The following IQCM variants were observed in gnomAD, a reference collection of about 807,000 sequenced individuals.
IQCM encodes IQ motif containing M.
A neutral mutation model predicts 57.6 loss-of-function variants in IQCM; 45 were observed. The observed-to-expected ratio is 0.78, with a 90% CI of 0.62 to 1.00. IQCM has a LOEUF of 1.00. IQCM is among the 50% of genes least tolerant of loss of function. IQCM has a pLI of 0.00. For missense variants in IQCM, 468 were observed against 511.6 expected (o/e 0.91, Z 0.82); for synonymous variants, 148 against 158.9 (o/e 0.93, Z 0.51).
At chr4:149,710,357 T>C (rs2149830296) in intron 5 of IQCM, among the ~76,000 whole-genome samples, 1 of 152,272 alleles carries the variant, frequency 6.6e-6, no homozygotes, top group East Asian at 1.9e-4. Context: ...ATAGTGTCTA[T>C]TCACTTCTAA....
intron 12 of IQCM, among the ~76,000 whole-genome samples, chr4:149,454,852 G>T (rs1047550545): frequency 6.6e-6 from 1 of 151,986 alleles, no homozygotes; most frequent in African/African-American, 2.4e-5. Context: ...AGGGATGGGG[G>T]TAAATAGTAG....
chr4:149,481,705 T>TTTTTTTTTG (rs1393102224), intron 12 of IQCM, among the ~76,000 whole-genome samples: 2 of 133,126 alleles, frequency 1.5e-5, no homozygotes, highest in African/African-American at 5.7e-5. Flanking sequence ...AGTTTTGTTT[T>TTTTTTTTTG]TTTTTTTTTT....
At chr4:149,385,849 C>T (rs971214863) in intron 13 of IQCM, among the ~76,000 whole-genome samples, 1 of 152,096 alleles carries the variant, frequency 6.6e-6, no homozygotes, top group African/African-American at 2.4e-5. Context: ...TTTACTATTA[C>T]ATTACTTCAG....
intron 2 of IQCM, among the ~76,000 whole-genome samples, chr4:149,749,174 C>T (rs985527727): frequency 2.0e-5 from 3 of 152,096 alleles, no homozygotes; most frequent in Admixed American, 6.6e-5. Flanking sequence ...AAATTGAATC[C>T]GTACCTAACC....
At chr4:149,630,846 T>G (rs1160551001) in intron 7 of IQCM, among the ~76,000 whole-genome samples, 1 of 152,228 alleles carries the variant, frequency 6.6e-6, no homozygotes, top group Non-Finnish European at 1.5e-5. Context: ...ATAATAATTA[T>G]GCAGAAAACA....
At chr4:149,476,928 T>C (rs1049787863) in intron 12 of IQCM, among the ~76,000 whole-genome samples, 2 of 152,116 alleles carry the variant, frequency 1.3e-5, no homozygotes, top group African/African-American at 4.8e-5. Flanking sequence ...AATTTTACAA[T>C]TTATATTAAA....
chr4:149,589,958 G>A (rs1374173755), intron 8 of IQCM, among the ~76,000 whole-genome samples: 1 of 151,840 alleles, frequency 6.6e-6, no homozygotes, highest in African/African-American at 2.4e-5. Flanking sequence ...CACTTGGATT[G>A]GGACACACTG....
chr4:149,699,265 C>T (rs1415279975), intron 5 of IQCM, among the ~76,000 whole-genome samples: 2 of 151,946 alleles, frequency 1.3e-5, no homozygotes, highest in African/African-American at 2.4e-5. Flanking sequence ...TACAAAAGTG[C>T]TCATCAAGTC....
At chr4:149,687,523 A>G (rs1020321762) in intron 5 of IQCM, among the ~76,000 whole-genome samples, 2 of 151,640 alleles carry the variant, frequency 1.3e-5, no homozygotes, top group Admixed American at 6.6e-5. Flanking sequence ...GATTTAAAGT[A>G]CAGGAGAAGA....
intron 5 of IQCM, among the ~76,000 whole-genome samples, chr4:149,696,146 T>C (rs2149804487): frequency 6.6e-6 from 1 of 152,208 alleles, no homozygotes. Flanking sequence ...GTCGCTACAC[T>C]CCCAATCTAC....
rs547848974 is a variant in IQCM at position 149,435,199 on chromosome 4, T to G, written c.1229-1642A>C. 3.9e-5 allele frequency among the ~76,000 whole-genome samples: 6 copies of G among 152,150 alleles called. No homozygotes were observed. The South Asian group carries it at 8.3e-4, about 21-fold the overall frequency. On this transcript the variant is annotated intron_variant, in intron 12 of 13. Transcript: ENST00000636793. ...ACTACTATATTAGACTTTTCCTGCTTAAATTACTATGTTGTTTCTATCTGC... is the reference window on the plus strand; with the variant it reads ...ACTACTATATTAGACTTTTCCTGCTGAAATTACTATGTTGTTTCTATCTGC...
chr4:149,570,816 G>T (rs1579530796), intron 9 of IQCM, among the ~76,000 whole-genome samples: 5 of 152,086 alleles, frequency 3.3e-5, no homozygotes, highest in Admixed American at 2.6e-4. Flanking sequence ...TGAATCAAAA[G>T]TTGCTAGAAC....
In IQCM at chr4:149,503,049, C is replaced by CA. The variant is rs564980235; in HGVS notation, c.1228+45405dup. On this transcript the variant is annotated intron_variant, in intron 12 of 13. Coordinates refer to ENST00000636793, the MANE Select transcript of IQCM (RefSeq NM_001363507.2). Reference sequence around the variant, plus strand: ...GCAATATAGTGAGACTCCAACTCTACAAAAAAAAAATTGTTATTTTAAATT... The same window carrying CA: ...GCAATATAGTGAGACTCCAACTCTACAAAAAAAAAAATTGTTATTTTAAATT... 2.5e-3 allele frequency among the ~76,000 whole-genome samples: 367 copies of CA among 147,988 alleles called. 5 individuals carry two copies. The highest frequency in any genetic ancestry group is 7.9e-3 in the African/African-American group (321 of 40,442).
intron 8 of IQCM, among the ~76,000 whole-genome samples, chr4:149,616,719 G>C (rs1305569727): frequency 1.3e-5 from 2 of 152,000 alleles, no homozygotes; most frequent in Non-Finnish European, 2.9e-5. Context: ...AACACACACA[G>C]GGCATGTTGG....
intron 8 of IQCM, among the ~76,000 whole-genome samples, chr4:149,599,694 C>T (rs1754094596): frequency 6.6e-6 from 1 of 152,176 alleles, no homozygotes; most frequent in South Asian, 2.1e-4. Context: ...ATGACAACTT[C>T]CTATAAGGTT....
chr4:149,791,426 G>C (rs1772599932), intron 2 of IQCM, among the ~76,000 whole-genome samples: 1 of 152,046 alleles, frequency 6.6e-6, no homozygotes, highest in Non-Finnish European at 1.5e-5. Context: ...CTTTTTGTTA[G>C]AAACATTTCA....
At chr4:149,673,243 T>TCA (rs1561138650) in intron 7 of IQCM, among the ~76,000 whole-genome samples, 5 of 152,058 alleles carry the variant, frequency 3.3e-5, no homozygotes, top group Admixed American at 6.6e-5. Flanking sequence ...CCAGCTAACA[T>TCA]TATGACAGGA....
At chr4:149,679,399 A>G (rs2150197974) in intron 7 of IQCM, among the ~76,000 whole-genome samples, 1 of 151,690 alleles carries the variant, frequency 6.6e-6, no homozygotes, top group East Asian at 1.9e-4. Flanking sequence ...AAAGATGAAA[A>G]TAAGATGTAA....
chr4:149,591,224 T>C (rs1753129625), intron 8 of IQCM, among the ~76,000 whole-genome samples: 1 of 152,054 alleles, frequency 6.6e-6, no homozygotes, highest in African/African-American at 2.4e-5. Flanking sequence ...GTATAATTCA[T>C]CAATTCCCTT....
Sources: gnomAD v4.1 joint callset for allele counts (sites outside exome capture counted in the v4.1 genomes callset) on GRCh38, gnomAD v4.1.1 for gene constraint, MANE v1.5 for transcripts, NCBI Gene and HGNC (gene_info 2026-07-23, HGNC 2026-07-21) for gene names.